The following REPS2 variants were observed in gnomAD, a reference collection of about 807,000 sequenced individuals.
The protein encoded by REPS2 is ralBP1-associated Eps domain-containing protein 2.
REPS2 carries 23 observed loss-of-function variants against 53.6 expected under a neutral mutation model. That is an observed-to-expected ratio of 0.43 (90% confidence interval 0.31 to 0.61). REPS2 has a LOEUF of 0.61. REPS2 is among the 20% of genes least tolerant of loss of function. The pLI is 0.11. For synonymous variants in REPS2, 238 were observed against 218.6 expected (o/e 1.09, Z -0.78); for missense variants, 446 against 534.9 (o/e 0.83, Z 1.64).
chrX:17,074,291 C>T (rs892808018), intron 12 of REPS2, 132 bp downstream of exon 12: 9 of 575,886 alleles, frequency 1.6e-5, no homozygotes, highest in African/African-American at 4.6e-5. Context: ...TGAGCCATTT[C>T]GCTCGTGCAT....
At position 17,133,890 on chromosome X, in the gene REPS2, A is replaced by G. The variant is rs754985513; in HGVS notation, c.1645A>G (p.Ser549Gly). 8 of 1,208,690 alleles carry G rather than the reference A, an allele frequency of 6.6e-6. No homozygotes were observed. The East Asian group carries it at 2.4e-4, about 36-fold the overall frequency. The change falls in exon 15 of 18, where the codon AGT becomes GGT. Residue 549 changes from serine (S) to glycine (G), a missense_variant. Physicochemically the swap from Ser to Gly is moderately conservative, Grantham distance 56. Transcript: ENST00000357277. ...CAGAGCCCCATCCCAGGCTGCAGAA[A>G]GTAGTCCAGCAAAGAAGGTAAGGTC... ...LSRAPSQAAE[S>G]SPAKKDVLYS...
chrX:17,018,024 G>A lies in REPS2; in HGVS notation c.398-4099G>A, dbSNP rs980046665. Among the ~76,000 whole-genome samples the A allele has an allele frequency of 2.7e-5, 3 of 112,150 alleles. No homozygotes were observed. The Admixed American group carries it at 2.8e-4, about 11-fold the overall frequency. ...GTTTTGAAATGGAAAATTTTTAATTGTGATAAAATACAAATAACATTTCCC... is the reference window on the plus strand; with the variant it reads ...GTTTTGAAATGGAAAATTTTTAATTATGATAAAATACAAATAACATTTCCC... On this transcript the variant is annotated intron_variant, in intron 2 of 17. Transcript: ENST00000357277.
intron 13 of REPS2, among the ~76,000 whole-genome samples, chrX:17,094,217 T>C (rs2062666077): frequency 8.9e-6 from 1 of 112,210 alleles, no homozygotes; most frequent in Non-Finnish European, 1.9e-5. Flanking sequence ...CTGCTAGTCT[T>C]GGATATACAA....
the REPS2 span, among the ~76,000 whole-genome samples, chrX:17,195,554 C>G: frequency 1.8e-5 from 2 of 112,096 alleles, no homozygotes; most frequent in Non-Finnish European, 3.8e-5. Context: ...CCCATCCTTT[C>G]CCAAATATAT....
intron 17 of REPS2, among the ~76,000 whole-genome samples, chrX:17,145,810 T>C (rs184280992): frequency 8.9e-6 from 1 of 111,882 alleles, no homozygotes; most frequent in Non-Finnish European, 1.9e-5. Context: ...CTTCCCTGAT[T>C]AGAAACACTC....
intron 1 of REPS2, among the ~76,000 whole-genome samples, chrX:16,967,208 AT>A (rs2060781739): frequency 8.9e-6 from 1 of 112,020 alleles, no homozygotes; most frequent in South Asian, 3.7e-4. Flanking sequence ...AAACAGTTTT[AT>A]TGGAACACAG....
At chrX:17,174,012 T>C in the REPS2 span, among the ~76,000 whole-genome samples, 1 of 109,903 alleles carries the variant, frequency 9.1e-6, no homozygotes, top group Admixed American at 9.8e-5. Flanking sequence ...TGAAAGGTCA[T>C]ATGTACATAT....
At chrX:16,994,359 G>A (rs1175724066) in intron 1 of REPS2, among the ~76,000 whole-genome samples, 3 of 85,325 alleles carry the variant, frequency 3.5e-5, no homozygotes, top group African/African-American at 5.0e-5. Context: ...ATACACACAC[G>A]TACATATATA....
At chrX:17,058,452 CAAAA>C (rs66501468) in intron 8 of REPS2, among the ~76,000 whole-genome samples, 1 of 71,001 alleles carries the variant, frequency 1.4e-5, no homozygotes. Context: ...GACTCCTTCT[CAAAA>C]AAAAAAAAAA....
intron 1 of REPS2, among the ~76,000 whole-genome samples, chrX:16,977,554 A>G (rs2060970715): frequency 9.2e-6 from 1 of 109,185 alleles, no homozygotes; most frequent in Admixed American, 9.8e-5. Context: ...TCTCTAAAAA[A>G]TTTTTAAAAA....
the REPS2 span, among the ~76,000 whole-genome samples, chrX:17,189,723 T>C: frequency 9.0e-6 from 1 of 111,463 alleles, no homozygotes; most frequent in Non-Finnish European, 1.9e-5. Flanking sequence ...TCTGTGTGTG[T>C]GTATTCCTTA....
the REPS2 span, among the ~76,000 whole-genome samples, chrX:17,185,029 G>A: frequency 3.6e-5 from 4 of 111,537 alleles, no homozygotes; most frequent in East Asian, 8.4e-4. Context: ...TTATGATTGT[G>A]TGGGTTGCCA....
At chrX:16,995,850 G>C (rs2061228582) in intron 1 of REPS2, among the ~76,000 whole-genome samples, 1 of 111,829 alleles carries the variant, frequency 8.9e-6, no homozygotes, top group African/African-American at 3.3e-5. Context: ...AACTGTATTT[G>C]GGATAGAGGA....
At chrX:17,093,957 C>A (rs762776514) in intron 13 of REPS2, among the ~76,000 whole-genome samples, 1 of 112,007 alleles carries the variant, frequency 8.9e-6, no homozygotes, top group Admixed American at 9.5e-5. Context: ...GCAATAGAAA[C>A]TGATTGTCTT....
chrX:17,040,914 G>A (rs1195410261), intron 5 of REPS2, among the ~76,000 whole-genome samples: 4 of 112,181 alleles, frequency 3.6e-5, no homozygotes, highest in African/African-American at 1.3e-4. Context: ...TCCAGGATGG[G>A]CTTTGTGGTT....
chrX:17,180,274 A>C, the REPS2 span, among the ~76,000 whole-genome samples: 1 of 111,336 alleles, frequency 9.0e-6, no homozygotes, highest in Admixed American at 9.6e-5. Context: ...GGAAAGGAAA[A>C]GAAACTTTCC....
At chrX:17,137,823 G>A (rs2063392082) in intron 16 of REPS2, 1 of 111,428 alleles carries the variant, frequency 9.0e-6, no homozygotes, top group Admixed American at 9.5e-5. Context: ...TGCCCAGTCT[G>A]GTCTCAAACT....
intron 3 of REPS2, among the ~76,000 whole-genome samples, chrX:17,023,583 T>C (rs1296524992): frequency 1.8e-5 from 2 of 111,533 alleles, no homozygotes; most frequent in Non-Finnish European, 1.9e-5. Context: ...TTAGGGGAGG[T>C]GTAGCACATC....
At chrX:17,169,980 G>C in the REPS2 span, among the ~76,000 whole-genome samples, 10 of 112,626 alleles carry the variant, frequency 8.9e-5, no homozygotes, top group Non-Finnish European at 1.3e-4. Context: ...CAGGATGGTA[G>C]AACCTCAAGA....
Sources: gnomAD v4.1 joint callset for allele counts (sites outside exome capture counted in the v4.1 genomes callset) on GRCh38, gnomAD v4.1.1 for gene constraint, MANE v1.5 for transcripts, NCBI Gene and HGNC (gene_info 2026-07-23, HGNC 2026-07-21) for gene names.